EYS: variants seen among roughly 807,000 people sequenced by gnomAD.
The protein encoded by EYS is protein eyes shut homolog.
A neutral mutation model predicts 282.1 loss-of-function variants in EYS; 250 were observed. The observed-to-expected ratio is 0.89, with a 90% CI of 0.80 to 0.98. The LOEUF (loss-of-function observed/expected upper bound fraction) is 0.98, where lower values mean the gene tolerates loss of function less well. EYS is among the 50% of genes least tolerant of loss of function. The pLI, the probability that EYS is intolerant of heterozygous loss-of-function variation, is 0.00. For missense variants in EYS, 4,016 were observed against 3,709.0 expected (o/e 1.08, Z -2.15); for synonymous variants, 1,355 against 1,282.9 (o/e 1.06, Z -1.20).
At chr6:64,115,022 C>T (rs911516384) in intron 31 of EYS, among the ~76,000 whole-genome samples, 5 of 152,116 alleles carry the variant, frequency 3.3e-5, no homozygotes, top group Non-Finnish European at 5.9e-5. Context: ...GTAGTCTGTG[C>T]CCTGGAACTC....
intron 12 of EYS, among the ~76,000 whole-genome samples, chr6:65,073,233 T>C (rs1249374811): frequency 6.6e-6 from 1 of 151,716 alleles, no homozygotes; most frequent in Non-Finnish European, 1.5e-5. Context: ...CAGCAACATA[T>C]TATGCCAGAA....
chr6:64,662,082 A>G (rs1769049596), intron 22 of EYS, among the ~76,000 whole-genome samples: 2 of 151,844 alleles, frequency 1.3e-5, no homozygotes. Context: ...TGTCCTTTGT[A>G]GGGACATGGA....
chr6:64,182,060 C>T (rs1467720194), intron 31 of EYS, among the ~76,000 whole-genome samples: 3 of 152,088 alleles, frequency 2.0e-5, no homozygotes, highest in African/African-American at 7.2e-5. Flanking sequence ...TTCACTAATA[C>T]ACTAATTGAA....
chr6:65,153,489 C>A (rs186591488), intron 12 of EYS, among the ~76,000 whole-genome samples: 62 of 150,912 alleles, frequency 4.1e-4, no homozygotes, highest in African/African-American at 9.5e-4. Flanking sequence ...CATTATATGA[C>A]ATGTTTTGCT....
At chr6:64,028,558 A>G (rs572681127) in intron 33 of EYS, among the ~76,000 whole-genome samples, 1 of 152,312 alleles carries the variant, frequency 6.6e-6, no homozygotes, top group Non-Finnish European at 1.5e-5. Context: ...CTGGACCTCA[A>G]GGATGCCTTC....
At chr6:65,531,189 C>T (rs548790277) in intron 2 of EYS, among the ~76,000 whole-genome samples, 1 of 152,130 alleles carries the variant, frequency 6.6e-6, no homozygotes, top group Non-Finnish European at 1.5e-5. Context: ...CCACAGAGTT[C>T]AGGATAGGAA....
At chr6:64,575,917 T>C (rs1163192903) in intron 26 of EYS, among the ~76,000 whole-genome samples, 1 of 152,110 alleles carries the variant, frequency 6.6e-6, no homozygotes, top group Non-Finnish European at 1.5e-5. Flanking sequence ...TAAATTCATA[T>C]AATCCTCAAA....
chr6:64,364,190 C>A (rs1355113603), intron 29 of EYS, among the ~76,000 whole-genome samples: 1 of 151,840 alleles, frequency 6.6e-6, no homozygotes, highest in Non-Finnish European at 1.5e-5. Flanking sequence ...ATAAAAAATT[C>A]TCCATAAAGA....
At chr6:63,893,555 A>G (rs1049358658) in intron 35 of EYS, among the ~76,000 whole-genome samples, 1 of 152,142 alleles carries the variant, frequency 6.6e-6, no homozygotes. Flanking sequence ...GGAGGGGAAC[A>G]TCATGCACCA....
At chr6:65,449,064 T>C (rs1022750123) in intron 5 of EYS, among the ~76,000 whole-genome samples, 30 of 152,252 alleles carry the variant, frequency 2.0e-4, no homozygotes, top group African/African-American at 7.2e-4. Context: ...TTCCACTTTA[T>C]TCACTTTCTT....
At chr6:63,998,067 T>A (rs888427364) in intron 34 of EYS, among the ~76,000 whole-genome samples, 1 of 152,114 alleles carries the variant, frequency 6.6e-6, no homozygotes, top group African/African-American at 2.4e-5. Context: ...ACTTGAACAA[T>A]TTTGAGTTGG....
intron 32 of EYS, among the ~76,000 whole-genome samples, chr6:64,071,542 CA>C (rs139664207): frequency 0.041 from 6,220 of 151,186 alleles, 415 homozygotes; most frequent in African/African-American, 0.14. Context: ...AAATCTTTGA[CA>C]TTTTTTTATT....
Position 63,744,670 on chromosome 6 carries a change from C to A in EYS, c.8071+17791G>T, listed in dbSNP as rs59091181. On this transcript the variant is annotated intron_variant, in intron 41 of 42. Transcript: ENST00000503581. ...GCAACCTCTGCCTCCTGGGTTCAAG[C>A]GATTCTCCTGCCTCAGCCTCCCGAG... The A allele has an allele frequency of 9.6e-3, 1,504 of 157,048 alleles. 25 individuals carry two copies. The highest frequency in any genetic ancestry group is 0.035 in the African/African-American group (1,430 of 41,358). The allele number at this position is 157,048 out of a possible 1,614,324, so 9.7% of individuals were successfully genotyped here. A position where few individuals can be genotyped will look rare whatever the true frequency, so the allele number is the denominator to read the frequency against.
At chr6:63,865,301 T>C (rs1477552938) in intron 35 of EYS, among the ~76,000 whole-genome samples, 2 of 152,182 alleles carry the variant, frequency 1.3e-5, no homozygotes, top group Admixed American at 1.3e-4. Flanking sequence ...GCAATGTAAA[T>C]ATAAGTGACA....
At chr6:64,893,768 A>T (rs1489199828) in intron 18 of EYS, among the ~76,000 whole-genome samples, 1 of 152,004 alleles carries the variant, frequency 6.6e-6, no homozygotes, top group Non-Finnish European at 1.5e-5. Flanking sequence ...ATTTTTAAGG[A>T]AAACACACAA....
chr6:63,923,262 A>T (rs948835067), intron 35 of EYS, among the ~76,000 whole-genome samples: 18 of 152,194 alleles, frequency 1.2e-4, no homozygotes, highest in African/African-American at 4.3e-4. Context: ...AAGGGACAAA[A>T]TCCACGTGTT....
intron 30 of EYS, among the ~76,000 whole-genome samples, chr6:64,279,873 A>G (rs1768243267): frequency 1.3e-5 from 2 of 152,314 alleles, no homozygotes; most frequent in African/African-American, 4.8e-5. Flanking sequence ...ATTTTAGATT[A>G]CAGTTCACGT....
intron 29 of EYS, among the ~76,000 whole-genome samples, chr6:64,343,372 G>A (rs1366785884): frequency 6.6e-6 from 1 of 151,936 alleles, no homozygotes; most frequent in Non-Finnish European, 1.5e-5. Context: ...AGACCACAGT[G>A]CAATCAAACT....
At chr6:64,717,960 A>C (rs547440495) in intron 22 of EYS, among the ~76,000 whole-genome samples, 6 of 152,214 alleles carry the variant, frequency 3.9e-5, no homozygotes, top group Non-Finnish European at 8.8e-5. Context: ...TGCAGAGAGG[A>C]AAGAGAGACA....
Sources: allele counts gnomAD v4.1 joint callset (sites outside exome capture counted in the v4.1 genomes callset), GRCh38; gene constraint gnomAD v4.1.1; transcripts MANE v1.5; gene names NCBI Gene and HGNC (gene_info 2026-07-23, HGNC 2026-07-21).